ADSS2: variants seen among roughly 807,000 people sequenced by gnomAD.
ADSS2 encodes adenylosuccinate synthetase isozyme 2.
In ADSS2, 30 loss-of-function variants were observed where a neutral mutation model predicts 60.0. The observed-to-expected ratio is 0.50, with a 90% CI of 0.37 to 0.68. ADSS2 has a LOEUF of 0.68. ADSS2 is among the 30% of genes least tolerant of loss of function. The pLI is 0.00. For missense variants in ADSS2, 373 were observed against 554.8 expected (o/e 0.67, Z 3.29); for synonymous variants, 187 against 193.1 (o/e 0.97, Z 0.26).
chr1:244,419,008 A>G (rs1664612992), intron 8 of ADSS2, 94 bp from the exon 9 acceptor site: 9 of 1,176,470 alleles, frequency 7.6e-6, no homozygotes, highest in Non-Finnish European at 1.1e-5. Flanking sequence ...TGAGTATATT[A>G]TAGGTATCTA....
In ADSS2 at chr1:244,424,051, T is replaced by C. The variant is rs1208993522; in HGVS notation, c.483A>G (p.Thr161=). ...RQEQAGKNLG[T]TKKGIGPVYS... is the part of the protein sequence containing the mutation. The stretch of plus-strand genomic sequence containing the variant: ...AAACTGGGCCAATGCCCTTTTTTGT[T>C]GTACCCAAACTTAAAAACAAATCCA... Residue 161 remains threonine (T), a synonymous_variant, in exon 6 of 13, where the codon ACA becomes ACG. Transcript: ENST00000366535. The C allele has an allele frequency of 9.9e-6, 16 of 1,611,758 alleles. No homozygotes were observed. The highest frequency in any genetic ancestry group is 1.4e-5 in the Non-Finnish European group (16 of 1,179,324).
At chr1:244,426,835 AT>A (rs1378916274) in intron 4 of ADSS2, among the ~76,000 whole-genome samples, 1 of 151,922 alleles carries the variant, frequency 6.6e-6, no homozygotes, top group Non-Finnish European at 1.5e-5. Context: ...CTGAGTTACT[AT>A]TTCTCCTCAG....
chr1:244,430,098 C>T (rs999756114), intron 4 of ADSS2, among the ~76,000 whole-genome samples: 7 of 151,876 alleles, frequency 4.6e-5, no homozygotes, highest in African/African-American at 7.3e-5. Context: ...TAAGGTCATA[C>T]ACTTATGGGA....
Position 244,411,429 on chromosome 1 carries a change from T to C in ADSS2, c.1176A>G (p.Gln392=), listed in dbSNP as rs889939018. 3.1e-6 allele frequency: 5 copies of C among 1,608,590 alleles called. No individual in the cohort carries two copies. Among genetic ancestry groups the C allele is most frequent in the Non-Finnish European group, 2.5e-6 (3 of 1,178,580 alleles). ...GEIIPHIPAN[Q]EVLNKVEVQY... ...GAACTTCAACTTTATTTAAGACTTCTTGGTTTGCTAAAAGTTAAAGAGGAC... is the reference window on the plus strand; with the variant it reads ...GAACTTCAACTTTATTTAAGACTTCCTGGTTTGCTAAAAGTTAAAGAGGAC... The change falls in exon 12 of 13, where the codon CAA becomes CAG. Residue 392 remains glutamine, a synonymous_variant. Transcript: ENST00000366535.
chr1:244,439,451 C>G (rs1665182974), intron 1 of ADSS2, among the ~76,000 whole-genome samples: 1 of 152,130 alleles, frequency 6.6e-6, no homozygotes, highest in Non-Finnish European at 1.5e-5. Context: ...GAAATTTGCC[C>G]TGGAACTAGG....
intron 8 of ADSS2, among the ~76,000 whole-genome samples, chr1:244,419,814 A>T (rs1196710406): frequency 6.6e-6 from 1 of 152,174 alleles, no homozygotes; most frequent in Non-Finnish European, 1.5e-5. Flanking sequence ...ATAATAATGT[A>T]CACATTTTTA....
At position 244,409,346 on chromosome 1, in the gene ADSS2, C is replaced by A; in HGVS notation, c.*240G>T. ...CTAAACATTGAAAAAAAAAACGTGG[C>A]ACCATGAGAGCAGCAGGAGCAACAA... On this transcript the variant is annotated 3_prime_UTR_variant, in exon 13 of 13. Transcript: ENST00000366535. 1 of 371,898 alleles carries A rather than the reference C, an allele frequency of 2.7e-6. No individual in the cohort carries two copies. The allele number at this position is 371,898 out of a possible 1,614,324, so 23.0% of individuals were successfully genotyped here. A position where few individuals can be genotyped will look rare whatever the true frequency, so the allele number is the denominator to read the frequency against.
chr1:244,439,373 C>T lies in ADSS2; in HGVS notation c.184-1605G>A, dbSNP rs763873252. Among the ~76,000 whole-genome samples the T allele has an allele frequency of 2.6e-5, 4 of 152,146 alleles. No individual in the cohort carries two copies. In the East Asian group the frequency reaches 5.8e-4, roughly 22 times the overall value. ...CATGGGCTTTTTAGCTAGTAGGTAA[C>T]GAATCCTGCCAGAACTGGGTCCTTC... is the stretch of plus-strand genomic sequence containing the variant. On this transcript the variant is annotated intron_variant, in intron 1 of 12. Transcript: ENST00000366535.
At chr1:244,425,966 G>T (rs911866014) in intron 4 of ADSS2, among the ~76,000 whole-genome samples, 22 of 152,262 alleles carry the variant, frequency 1.4e-4, no homozygotes, top group African/African-American at 5.1e-4. Flanking sequence ...ATGGTAGAAT[G>T]AATGGATTTT....
At chr1:244,427,116 T>C (rs1664825071) in intron 4 of ADSS2, among the ~76,000 whole-genome samples, 1 of 152,176 alleles carries the variant, frequency 6.6e-6, no homozygotes, top group Non-Finnish European at 1.5e-5. Flanking sequence ...GCATCTCTTA[T>C]AGTACAAACT....
intron 1 of ADSS2, among the ~76,000 whole-genome samples, chr1:244,450,939 T>C (rs1665555849): frequency 6.6e-6 from 1 of 152,252 alleles, no homozygotes. Flanking sequence ...TTCCTTCCTC[T>C]GGGACCAACT....
intron 3 of ADSS2, among the ~76,000 whole-genome samples, chr1:244,435,183 A>AAAAAAAAAAC (rs1665058982): frequency 6.7e-6 from 1 of 149,744 alleles, no homozygotes; most frequent in African/African-American, 2.5e-5. Flanking sequence ...AAAAAAAAAA[A>AAAAAAAAAAC]AAAAAAAAAA....
intron 11 of ADSS2, among the ~76,000 whole-genome samples, chr1:244,412,363 T>A (rs1327027177): frequency 6.6e-6 from 1 of 152,168 alleles, no homozygotes; most frequent in Non-Finnish European, 1.5e-5. Flanking sequence ...CCTAGGGAAC[T>A]CAATCTAAGA....
chr1:244,429,588 C>G (rs1428539361), intron 4 of ADSS2, among the ~76,000 whole-genome samples: 1 of 152,132 alleles, frequency 6.6e-6, no homozygotes, highest in Non-Finnish European at 1.5e-5. Flanking sequence ...ATAGAATTGA[C>G]TATACTAAAA....
chr1:244,417,488 G>A (rs1270015969), intron 10 of ADSS2, 140 bp downstream of exon 10: 1 of 1,013,918 alleles, frequency 9.9e-7, no homozygotes, highest in Non-Finnish European at 1.4e-6. Flanking sequence ...CTATATCTTG[G>A]TCTACTTCTG....
chr1:244,426,233 A>G (rs1664800895), intron 4 of ADSS2, among the ~76,000 whole-genome samples: 1 of 152,204 alleles, frequency 6.6e-6, no homozygotes, highest in Non-Finnish European at 1.5e-5. Context: ...CTTTTGAATA[A>G]AAAGACATTT....
chr1:244,449,703 A>G (rs1449932366), intron 1 of ADSS2, among the ~76,000 whole-genome samples: 1 of 152,266 alleles, frequency 6.6e-6, no homozygotes, highest in Admixed American at 6.5e-5. Flanking sequence ...CTAAAAGAAC[A>G]TAAGGATTCT....
intron 4 of ADSS2, among the ~76,000 whole-genome samples, chr1:244,426,724 T>C (rs1161824114): frequency 2.0e-5 from 3 of 152,132 alleles, no homozygotes; most frequent in African/African-American, 7.2e-5. Context: ...AGGTCTTTAC[T>C]CAACTGTCAC....
intron 3 of ADSS2, among the ~76,000 whole-genome samples, chr1:244,433,732 C>A (rs1020197683): frequency 6.6e-6 from 1 of 151,580 alleles, no homozygotes; most frequent in African/African-American, 2.4e-5. Context: ...TGATGGCGGG[C>A]GCCTGTAATC....
Sources: gnomAD v4.1 joint callset for allele counts (sites outside exome capture counted in the v4.1 genomes callset) on GRCh38, gnomAD v4.1.1 for gene constraint, MANE v1.5 for transcripts, NCBI Gene and HGNC (gene_info 2026-07-23, HGNC 2026-07-21) for gene names.